Variants in HPSE2 observed in about 807,000 individuals in gnomAD.
The protein encoded by HPSE2 is inactive heparanase-2.
HPSE2 carries 38 observed loss-of-function variants against 60.5 expected under a neutral mutation model. The observed-to-expected ratio is 0.63, with a 90% CI of 0.48 to 0.82. The LOEUF (loss-of-function observed/expected upper bound fraction) is 0.82. Among genes scored for constraint, HPSE2 ranks in the 40% least tolerant of loss-of-function variants. The pLI, the probability that HPSE2 is intolerant of heterozygous loss-of-function variation, is 0.00. For missense variants in HPSE2, 713 were observed against 740.4 expected (o/e 0.96, Z 0.43); for synonymous variants, 295 against 293.2 (o/e 1.01, Z -0.06).
At chr10:99,185,375 A>G (rs923891784) in intron 2 of HPSE2, among the ~76,000 whole-genome samples, 3 of 152,156 alleles carry the variant, frequency 2.0e-5, no homozygotes, top group African/African-American at 7.2e-5. Context: ...CCCAAGAAGA[A>G]GAGATAAGAA....
At chr10:98,742,584 T>C (rs1351637752) in intron 4 of HPSE2, among the ~76,000 whole-genome samples, 1 of 152,226 alleles carries the variant, frequency 6.6e-6, no homozygotes, top group Non-Finnish European at 1.5e-5. Flanking sequence ...TATTTTCATA[T>C]CTATACTATC....
intron 3 of HPSE2, among the ~76,000 whole-genome samples, chr10:98,752,759 T>C (rs1949788208): frequency 6.6e-6 from 1 of 152,166 alleles, no homozygotes; most frequent in South Asian, 2.1e-4. Context: ...ATCACAGCAC[T>C]ATTTACAGTA....
chr10:98,693,965 A>AAGAAAGATAT lies in HPSE2; in HGVS notation c.957-19_957-18insATATCTTTCT. 6.3e-7 allele frequency: 1 copy of AAGAAAGATAT among 1,594,014 alleles called. No individual in the cohort carries two copies. Among genetic ancestry groups the AAGAAAGATAT allele is most frequent in the East Asian group, 2.2e-5 (1 of 44,680 alleles). On this transcript the variant is annotated intron_variant, in intron 5 of 11. Transcript: ENST00000370552. ...TCATGAATCTGTAAGGAATAGAAAG[A>AAGAAAGATAT]AAAAAGATATTACAACTTAGATTAA...
At chr10:98,583,080 C>A (rs4917845) in intron 9 of HPSE2, among the ~76,000 whole-genome samples, 42,518 of 152,014 alleles carry the variant, frequency 0.28, 6,192 homozygotes, top group East Asian at 0.48. Flanking sequence ...GAACTGTCTT[C>A]CAAGTCCAAT....
chr10:98,733,968 A>C (rs1426245971), intron 4 of HPSE2, among the ~76,000 whole-genome samples: 1 of 152,222 alleles, frequency 6.6e-6, no homozygotes, highest in Non-Finnish European at 1.5e-5. Context: ...ACATTTTAAT[A>C]ATCCCAGAAA....
chr10:99,283,569 T>A, the HPSE2 span, among the ~76,000 whole-genome samples: 41 of 152,016 alleles, frequency 2.7e-4, no homozygotes, highest in African/African-American at 9.6e-4. Context: ...AAAAATTAGT[T>A]CTTTGAAAAG....
chr10:99,267,031 A>G, the HPSE2 span, among the ~76,000 whole-genome samples: 1 of 152,284 alleles, frequency 6.6e-6, no homozygotes, highest in Non-Finnish European at 1.5e-5. Context: ...TCCCTCTGAC[A>G]TGGTCTACTC....
At chr10:98,512,515 G>A (rs1464412527) in intron 9 of HPSE2, among the ~76,000 whole-genome samples, 5 of 151,932 alleles carry the variant, frequency 3.3e-5, no homozygotes, top group African/African-American at 7.2e-5. Context: ...AACCCGGGAG[G>A]CGGAGGTTGC....
chr10:98,721,898 G>T, intron 4 of HPSE2, 70 bp from the exon 5 acceptor site: 2 of 1,223,262 alleles, frequency 1.6e-6, no homozygotes, highest in Non-Finnish European at 2.4e-6. Flanking sequence ...CCTGTCCACA[G>T]ATCTCTCTGC....
chr10:99,154,592 C>G (rs904569413), intron 2 of HPSE2, among the ~76,000 whole-genome samples: 5 of 151,508 alleles, frequency 3.3e-5, no homozygotes, highest in African/African-American at 7.3e-5. Flanking sequence ...TAAAACAGCT[C>G]CTGAAGGAAG....
chr10:98,993,909 G>C (rs748039987), intron 3 of HPSE2, among the ~76,000 whole-genome samples: 3 of 152,140 alleles, frequency 2.0e-5, no homozygotes, highest in Non-Finnish European at 4.4e-5. Context: ...TTTTACATAA[G>C]GATAAAACAG....
At chr10:99,101,199 G>T (rs1229025390) in intron 3 of HPSE2, among the ~76,000 whole-genome samples, 1 of 152,124 alleles carries the variant, frequency 6.6e-6, no homozygotes, top group East Asian at 1.9e-4. Context: ...CTGGCAAACT[G>T]TATAAAGAGT....
At chr10:98,662,185 G>T (rs1165253447) in intron 6 of HPSE2, among the ~76,000 whole-genome samples, 1 of 152,160 alleles carries the variant, frequency 6.6e-6, no homozygotes, top group Admixed American at 6.5e-5. Flanking sequence ...GAGCCACTGT[G>T]CCTGGCCAAA....
At chr10:98,995,828 A>G (rs752243130) in intron 3 of HPSE2, among the ~76,000 whole-genome samples, 3 of 152,192 alleles carry the variant, frequency 2.0e-5, no homozygotes, top group Admixed American at 1.3e-4. Flanking sequence ...ACACTTTACA[A>G]AAGAAAAATC....
Position 98,560,323 on chromosome 10 carries a change from G to T in HPSE2, c.1320+54581C>A, listed in dbSNP as rs1003221791. On this transcript the variant is annotated intron_variant, in intron 9 of 11. Coordinates refer to ENST00000370552, the MANE Select transcript of HPSE2 (RefSeq NM_021828.5). ...CTATTCGTTTCCTGATAAGCCAGGG[G>T]TCTCCTGAAAGTGTGACTGGATGAG... Among the ~76,000 whole-genome samples the T allele has an allele frequency of 2.6e-5, 4 of 152,182 alleles. No individual in the cohort carries two copies. In the East Asian group the frequency reaches 7.7e-4, roughly 29 times the overall value.
chr10:99,143,210 T>A (rs1327848754), intron 3 of HPSE2, among the ~76,000 whole-genome samples: 1 of 152,208 alleles, frequency 6.6e-6, no homozygotes. Context: ...AAGCCACATT[T>A]AAGTCTGGCT....
the HPSE2 span, among the ~76,000 whole-genome samples, chr10:99,306,733 G>C: frequency 6.6e-6 from 1 of 152,130 alleles, no homozygotes; most frequent in Non-Finnish European, 1.5e-5. Context: ...TTTTAAGACA[G>C]AGTTTCGCTC....
At chr10:98,492,679 A>C (rs188575987) in intron 9 of HPSE2, among the ~76,000 whole-genome samples, 12 of 152,322 alleles carry the variant, frequency 7.9e-5, no homozygotes, top group African/African-American at 2.4e-4. Context: ...AGATAGCTAA[A>C]TGCCATGTCA....
chr10:99,256,454 T>A, the HPSE2 span, among the ~76,000 whole-genome samples: 2 of 147,522 alleles, frequency 1.4e-5, no homozygotes, highest in African/African-American at 2.5e-5. Flanking sequence ...CTTCCCAGCG[T>A]CTCGAACCTT....
Sources: gnomAD v4.1 joint callset for allele counts (sites outside exome capture counted in the v4.1 genomes callset) on GRCh38, gnomAD v4.1.1 for gene constraint, MANE v1.5 for transcripts, NCBI Gene and HGNC (gene_info 2026-07-23, HGNC 2026-07-21) for gene names.